Variants in KSR1 observed in about 807,000 individuals in gnomAD.
The protein encoded by KSR1 is kinase suppressor of ras 1, also known as kinase suppressor of ras.
In KSR1, 35 loss-of-function variants were observed where a neutral mutation model predicts 92.9. The observed-to-expected ratio is 0.38, with a 90% confidence interval of 0.29 to 0.50. The LOEUF (loss-of-function observed/expected upper bound fraction) is 0.50. Among genes scored for constraint, KSR1 ranks in the 20% least tolerant of loss-of-function variants. The probability of loss-of-function intolerance (pLI) is 0.94; values close to 1 mark genes in which losing one functional copy is unlikely to be tolerated. For synonymous variants in KSR1, 467 were observed against 472.6 expected (o/e 0.99, Z 0.15); for missense variants, 972 against 1,158.5 (o/e 0.84, Z 2.34).
intron 1 of KSR1, among the ~76,000 whole-genome samples, chr17:27,547,699 T>C (rs887542038): frequency 7.2e-5 from 11 of 152,236 alleles, no homozygotes; most frequent in African/African-American, 2.6e-4. Context: ...ACTCAGCCTG[T>C]ATCTCAATAT....
At chr17:27,608,988 CAG>C (rs2073841870) in intron 15 of KSR1, among the ~76,000 whole-genome samples, 6 of 152,328 alleles carry the variant, frequency 3.9e-5, no homozygotes, top group Admixed American at 2.6e-4. Context: ...GGTCTGGGAT[CAG>C]ATCTCAGCTC....
chr17:27,517,265 T>C (rs1171996073), intron 1 of KSR1, among the ~76,000 whole-genome samples: 2 of 152,216 alleles, frequency 1.3e-5, no homozygotes, highest in Non-Finnish European at 2.9e-5. Context: ...CACAACCCCT[T>C]ATCTTAACCC....
chr17:27,486,777 C>T (rs2068678252), intron 1 of KSR1, among the ~76,000 whole-genome samples: 2 of 152,134 alleles, frequency 1.3e-5, no homozygotes, highest in Admixed American at 1.3e-4. Context: ...TTGGAGTGGC[C>T]TGGGAATCCC....
At chr17:27,493,399 A>T (rs1436303270) in intron 1 of KSR1, among the ~76,000 whole-genome samples, 1 of 152,176 alleles carries the variant, frequency 6.6e-6, no homozygotes, top group Non-Finnish European at 1.5e-5. Context: ...TCAGGCAGGA[A>T]ATCATGCCCT....
chr17:27,469,079 C>T (rs553071588), intron 1 of KSR1, among the ~76,000 whole-genome samples: 6 of 152,252 alleles, frequency 3.9e-5, no homozygotes, highest in African/African-American at 1.4e-4. Flanking sequence ...CTGCTGAGTA[C>T]AGGAAGGTGC....
intron 1 of KSR1, chr17:27,483,893 C>G (rs1319420285): frequency 6.6e-6 from 1 of 152,234 alleles, no homozygotes; most frequent in African/African-American, 2.4e-5. Context: ...AATAATGCGT[C>G]TACAAAAATA....
chr17:27,594,351 C>T (rs1043486367), intron 9 of KSR1, among the ~76,000 whole-genome samples: 7 of 152,014 alleles, frequency 4.6e-5, no homozygotes, highest in African/African-American at 1.7e-4. Context: ...GCCCCCATTG[C>T]CAACAATGTC....
intron 1 of KSR1, among the ~76,000 whole-genome samples, chr17:27,510,217 G>A (rs1053836249): frequency 5.9e-5 from 9 of 152,230 alleles, no homozygotes; most frequent in African/African-American, 2.2e-4. Flanking sequence ...GCAGAACCAA[G>A]ACTCTGGAAA....
At chr17:27,611,452 A>C in intron 17 of KSR1, 42 bp from the exon 18 acceptor site, 1 of 1,613,074 alleles carries the variant, frequency 6.2e-7, no homozygotes, top group East Asian at 2.2e-5. Flanking sequence ...TGAGCTGGGC[A>C]CAGCGGCCCA....
intron 1 of KSR1, among the ~76,000 whole-genome samples, chr17:27,499,310 G>C (rs539835777): frequency 1.3e-5 from 2 of 152,236 alleles, no homozygotes; most frequent in South Asian, 4.1e-4. Context: ...TCCACCCCTA[G>C]GACTTATTTT....
intron 1 of KSR1, among the ~76,000 whole-genome samples, chr17:27,472,632 G>A (rs545359785): frequency 6.6e-5 from 10 of 152,262 alleles, no homozygotes; most frequent in East Asian, 1.9e-4. Context: ...GTCAAACCCC[G>A]TCTCTACTAA....
intron 2 of KSR1, among the ~76,000 whole-genome samples, chr17:27,561,218 A>G (rs1174797262): frequency 2.6e-5 from 4 of 152,168 alleles, no homozygotes; most frequent in East Asian, 1.9e-4. Flanking sequence ...CTCATACACA[A>G]TTTTGTCATC....
Position 27,623,558 on chromosome 17 carries a change from G to C in KSR1, c.*166G>C. On this transcript the variant is annotated 3_prime_UTR_variant, in exon 21 of 21. Transcript: ENST00000644974. Reference sequence around the variant, plus strand: ...CCATAAACCCCACTCGGGAGATGGAGCTGCACCTGCTATTTCTTAAAATGA... The same window carrying C: ...CCATAAACCCCACTCGGGAGATGGACCTGCACCTGCTATTTCTTAAAATGA... 1 of 651,740 alleles carries C rather than the reference G, an allele frequency of 1.5e-6. No homozygotes were observed. Among genetic ancestry groups the C allele is most frequent in the Non-Finnish European group, 2.7e-6 (1 of 365,874 alleles). 40.4% of individuals were successfully genotyped at this position (651,740 alleles called of 1,614,324 possible). A position where few individuals can be genotyped will look rare whatever the true frequency, so the allele number is the denominator to read the frequency against.
chr17:27,556,838 T>C (rs1007723564), intron 2 of KSR1, among the ~76,000 whole-genome samples: 1 of 152,220 alleles, frequency 6.6e-6, no homozygotes, highest in African/African-American at 2.4e-5. Context: ...TGGTGTGGCC[T>C]CTGCTATGTC....
At chr17:27,530,430 G>A (rs1192659647) in intron 1 of KSR1, among the ~76,000 whole-genome samples, 3 of 151,574 alleles carry the variant, frequency 2.0e-5, no homozygotes, top group Non-Finnish European at 2.9e-5. Flanking sequence ...AAGCAACAGA[G>A]TGAGACCCTG....
intron 1 of KSR1, among the ~76,000 whole-genome samples, chr17:27,538,793 G>A (rs2070849519): frequency 6.6e-6 from 1 of 152,158 alleles, no homozygotes; most frequent in African/African-American, 2.4e-5. Context: ...CCTTCTGGGG[G>A]AGTTCACAAT....
intron 1 of KSR1, among the ~76,000 whole-genome samples, chr17:27,496,132 A>G (rs1567763227): frequency 2.0e-5 from 3 of 152,206 alleles, no homozygotes; most frequent in Non-Finnish European, 2.9e-5. Flanking sequence ...TTCCTGGGAT[A>G]GGCCTGTTTC....
intron 1 of KSR1, among the ~76,000 whole-genome samples, chr17:27,514,671 AAAAAG>A (rs901966271): frequency 6.5e-4 from 98 of 151,018 alleles, no homozygotes; most frequent in African/African-American, 2.0e-3. Flanking sequence ...AAAAAAAAAA[AAAAAG>A]AAAAGAAAAG....
chr17:27,576,393 AT>A (rs2072506996), intron 2 of KSR1, among the ~76,000 whole-genome samples: 1 of 152,186 alleles, frequency 6.6e-6, no homozygotes, highest in East Asian at 1.9e-4. Flanking sequence ...ACAGTAAGAG[AT>A]TAATAATCAA....
Sources: allele counts gnomAD v4.1 joint callset (sites outside exome capture counted in the v4.1 genomes callset), GRCh38; gene constraint gnomAD v4.1.1; transcripts MANE v1.5; gene names NCBI Gene and HGNC (gene_info 2026-07-23, HGNC 2026-07-21).